The following TCF4 variants were observed in gnomAD, a reference collection of about 807,000 sequenced individuals.
TCF4 encodes the protein transcription factor 4, also known as SL3-3 enhancer factor 2.
In TCF4, 3 loss-of-function variants were observed where a neutral mutation model predicts 82.1. That is an observed-to-expected ratio of 0.04 (90% confidence interval 0.02 to 0.09). The LOEUF (loss-of-function observed/expected upper bound fraction) is 0.09. TCF4 is among the 10% of genes least tolerant of loss of function. The pLI, the probability that TCF4 is intolerant of heterozygous loss-of-function variation, is 1.00. For missense variants in TCF4, 518 were observed against 852.7 expected (o/e 0.61, Z 4.89); for synonymous variants, 276 against 309.6 (o/e 0.89, Z 1.14).
intron 8 of TCF4, among the ~76,000 whole-genome samples, chr18:55,327,913 C>T (rs1263548266): frequency 6.6e-6 from 1 of 152,092 alleles, no homozygotes; most frequent in Non-Finnish European, 1.5e-5. Flanking sequence ...GATTCATTTC[C>T]CCACTTTTCC....
At chr18:55,455,179 C>CA (rs35889370) in intron 5 of TCF4, among the ~76,000 whole-genome samples, 4,084 of 67,244 alleles carry the variant, frequency 0.061, 256 homozygotes, top group African/African-American at 0.1. Flanking sequence ...GACTCTGTCT[C>CA]AAAAAAAAAA....
chr18:55,423,063 C>T (rs994652303), intron 5 of TCF4, among the ~76,000 whole-genome samples: 8 of 150,870 alleles, frequency 5.3e-5, no homozygotes, highest in African/African-American at 1.7e-4. Context: ...GTCCTGAGGC[C>T]GGACTTTGGG....
At chr18:55,568,474 G>A (rs1487942842) in intron 3 of TCF4, among the ~76,000 whole-genome samples, 1 of 151,158 alleles carries the variant, frequency 6.6e-6, no homozygotes, top group Non-Finnish European at 1.5e-5. Flanking sequence ...AGAGAAAACT[G>A]ACATATATTA....
chr18:55,309,463 T>TG (rs2071539401), intron 8 of TCF4, among the ~76,000 whole-genome samples: 1 of 152,138 alleles, frequency 6.6e-6, no homozygotes, highest in South Asian at 2.1e-4. Context: ...AGTGGCTACC[T>TG]CACTGAACAG....
chr18:55,357,357 A>ACTAT (rs2083820720), intron 6 of TCF4, among the ~76,000 whole-genome samples: 2 of 152,158 alleles, frequency 1.3e-5, no homozygotes, highest in South Asian at 4.1e-4. Context: ...ATTTAAGAAA[A>ACTAT]CTATCTTCTT....
At position 55,505,823 on chromosome 18, in the gene TCF4, AG is replaced by A. The variant is rs1334492667; in HGVS notation, c.146-41687del. Among the ~76,000 whole-genome samples the A allele has an allele frequency of 4.1e-5, 6 of 145,516 alleles. No homozygotes were observed. In the East Asian group the frequency reaches 8.4e-4, roughly 20 times the overall value. On this transcript the variant is annotated intron_variant, in intron 3 of 19. Transcript: ENST00000354452. ...CGTCTCAAAAAAAAAAAAAAAAAAA[AG>A]CAACCAGAACAAATAACTATGACAT...
At chr18:55,358,422 T>A (rs571335717) in intron 6 of TCF4, among the ~76,000 whole-genome samples, 34 of 152,318 alleles carry the variant, frequency 2.2e-4, no homozygotes, top group African/African-American at 8.2e-4. Context: ...ACGGTAGGTA[T>A]AGCAGGAGCA....
intron 6 of TCF4, among the ~76,000 whole-genome samples, chr18:55,369,840 T>A (rs1396966727): frequency 6.6e-6 from 1 of 152,250 alleles, no homozygotes; most frequent in Non-Finnish European, 1.5e-5. Context: ...TGCTGAAATA[T>A]CAGCTTGTCA....
chr18:55,608,151 T>C (rs1376395726), intron 2 of TCF4, among the ~76,000 whole-genome samples: 2 of 152,208 alleles, frequency 1.3e-5, no homozygotes, highest in East Asian at 1.9e-4. Context: ...TCAAGCACTT[T>C]AGGAAAATTC....
chr18:55,224,812 T>C lies in TCF4; in HGVS notation c.*3223A>G, dbSNP rs1037770544. On this transcript the variant is annotated 3_prime_UTR_variant, in exon 20 of 20. Transcript: ENST00000354452. ...TAGATGAACAGATCCCTATTCTGCATATTCATAAATTACTTGAATGTGGAG... is the reference window on the plus strand; with the variant it reads ...TAGATGAACAGATCCCTATTCTGCACATTCATAAATTACTTGAATGTGGAG... The C allele has an allele frequency of 6.6e-6, 1 of 152,608 alleles. No homozygotes were observed. The highest frequency in any genetic ancestry group is 2.4e-5 in the African/African-American group (1 of 41,448). 9.5% of individuals were successfully genotyped at this position (152,608 alleles called of 1,614,324 possible).
In TCF4 at chr18:55,225,380, C is replaced by T. The variant is rs1449243351; in HGVS notation, c.*2655G>A. ...TTTACAGATTTGAAAAACTTTAATT[C>T]AGCTCTATTAAGCACCTTTATGATA... On this transcript the variant is annotated 3_prime_UTR_variant, in exon 20 of 20. Transcript: ENST00000354452. 1 of 152,546 alleles carries T rather than the reference C, an allele frequency of 6.6e-6. No homozygotes were observed. Among genetic ancestry groups the T allele is most frequent in the East Asian group, 1.9e-4 (1 of 5,186 alleles). 9.4% of individuals were successfully genotyped at this position (152,546 alleles called of 1,614,324 possible).
intron 4 of TCF4, 97 bp downstream of exon 4, chr18:55,463,965 TGTGTGTGTGTGTGA>T (rs1202479331): frequency 8.5e-6 from 7 of 826,018 alleles, no homozygotes; most frequent in South Asian, 1.4e-5. Flanking sequence ...TGTGTGTGTG[TGTGTGTGTGTGTGA>T]GAGAGAGAGA....
At position 55,351,837 on chromosome 18, in the gene TCF4, A is replaced by C. The variant is rs539467874; in HGVS notation, c.370-834T>G. 1.8e-4 allele frequency: 168 copies of C among 922,624 alleles called. 1 individual carries two copies. The South Asian group carries it at 4.7e-3, about 26-fold the overall frequency. The allele number at this position is 922,624 out of a possible 1,614,324, so 57.2% of individuals were successfully genotyped here. ...CTTGATTATACTCTGCATTGAACACATTGTTCTTTTAATTATTCTGATATG... is the reference window on the plus strand; with the variant it reads ...CTTGATTATACTCTGCATTGAACACCTTGTTCTTTTAATTATTCTGATATG... On this transcript the variant is annotated intron_variant, in intron 6 of 19. Coordinates refer to ENST00000354452, the MANE Select transcript of TCF4 (RefSeq NM_001083962.2).
At chr18:55,467,498 A>G (rs1256758347) in intron 3 of TCF4, among the ~76,000 whole-genome samples, 3 of 152,174 alleles carry the variant, frequency 2.0e-5, no homozygotes, top group African/African-American at 7.2e-5. Context: ...TTTTATGCAC[A>G]CAGGAGTTTG....
intron 3 of TCF4, among the ~76,000 whole-genome samples, chr18:55,507,626 T>A (rs988518016): frequency 5.9e-5 from 9 of 152,160 alleles, no homozygotes; most frequent in African/African-American, 1.9e-4. Context: ...TGCAGTTTAG[T>A]TGGATATCAG....
intron 15 of TCF4, among the ~76,000 whole-genome samples, chr18:55,247,979 G>C (rs1456918838): frequency 6.6e-6 from 1 of 152,172 alleles, no homozygotes; most frequent in Admixed American, 6.5e-5. Flanking sequence ...GAAGGAGGCT[G>C]ATCAAGACTT....
chr18:55,474,704 A>C (rs2096254008), intron 3 of TCF4, among the ~76,000 whole-genome samples: 1 of 152,194 alleles, frequency 6.6e-6, no homozygotes, highest in South Asian at 2.1e-4. Flanking sequence ...AAGTCAAGGA[A>C]AATGTATAAT....
intron 8 of TCF4, among the ~76,000 whole-genome samples, chr18:55,331,642 A>G (rs2077588343): frequency 6.6e-6 from 1 of 152,226 alleles, no homozygotes; most frequent in South Asian, 2.1e-4. Context: ...TCTTCATGAA[A>G]TGGGAAAATG....
Position 55,414,078 on chromosome 18 carries a change from C to T in TCF4, c.305-10560G>A, listed in dbSNP as rs115196656. On this transcript the variant is annotated intron_variant, in intron 5 of 19. Transcript: ENST00000354452. Reference sequence around the variant, plus strand: ...CCAGAGAAGCACCAAGAAAGAGCACCCAATACAACCTCATTGAAGACAAGG... The same window carrying T: ...CCAGAGAAGCACCAAGAAAGAGCACTCAATACAACCTCATTGAAGACAAGG... 7.2e-3 allele frequency among the ~76,000 whole-genome samples: 1,097 copies of T among 152,028 alleles called. 17 individuals carry two copies. The highest frequency in any genetic ancestry group is 0.025 in the African/African-American group (1,042 of 41,454).
Sources: allele counts gnomAD v4.1 joint callset (sites outside exome capture counted in the v4.1 genomes callset), GRCh38; gene constraint gnomAD v4.1.1; transcripts MANE v1.5; gene names NCBI Gene and HGNC (gene_info 2026-07-23, HGNC 2026-07-21).